Variants in MEIS2 observed in about 807,000 individuals in gnomAD.
MEIS2 encodes the protein Meis homeobox 2.
A neutral mutation model predicts 58.6 loss-of-function variants in MEIS2; 9 were observed. The observed-to-expected ratio is 0.15, with a 90% CI of 0.09 to 0.27. MEIS2 has a LOEUF of 0.27. MEIS2 is among the 10% of genes least tolerant of loss of function. The pLI is 1.00. For synonymous variants in MEIS2, 221 were observed against 228.4 expected, an observed-to-expected ratio of 0.97 and a Z score of 0.29; for missense variants, 427 against 635.0, an observed-to-expected ratio of 0.67 and a Z score of 3.52.
At chr15:36,959,709 T>A (rs917902502) in intron 8 of MEIS2, among the ~76,000 whole-genome samples, 11 of 152,142 alleles carry the variant, frequency 7.2e-5, no homozygotes, top group Admixed American at 2.0e-4. Flanking sequence ...TTTATACATG[T>A]AAAGAACTGG....
Position 36,892,451 on chromosome 15 carries a change from T to C in MEIS2, c.1156A>G (p.Ser386Gly), listed in dbSNP as rs767985608. ...TGAGAAACGTAGTCCCCTGGCATGC[T>C]CTGCAAACCTGAAAATAGAGAGGGA... ...HMGIRPAGLQ[S>G]MPGDYVSQGG... is the part of the protein sequence containing the mutation. Residue 386 changes from serine (S) to glycine (G), a missense_variant, in exon 12 of 12, where the codon AGC becomes GGC. Physicochemically the swap from Ser to Gly is moderately conservative, Grantham distance 56. Coordinates refer to ENST00000561208, the MANE Select transcript of MEIS2 (RefSeq NM_170675.5). 3 of 1,612,102 alleles carry C rather than the reference T, an allele frequency of 1.9e-6. No homozygotes were observed. Among genetic ancestry groups the C allele is most frequent in the South Asian group, 2.2e-5 (2 of 90,950 alleles).
chr15:36,979,995 T>G (rs8038592), intron 8 of MEIS2, among the ~76,000 whole-genome samples: 2,108 of 151,478 alleles, frequency 0.014, 50 homozygotes, highest in African/African-American at 0.047. Flanking sequence ...CCATTTGTCA[T>G]TTTATACTCT....
At chr15:36,952,607 C>CTCTGTGTGTGTGTGTGTGTGTG (rs1490440825) in intron 8 of MEIS2, among the ~76,000 whole-genome samples, 3 of 139,994 alleles carry the variant, frequency 2.1e-5, no homozygotes, top group Non-Finnish European at 3.1e-5. Flanking sequence ...GTCTCTCTCT[C>CTCTGTGTGTGTGTGTGTGTGTG]TGTGTGTGTG....
chr15:36,899,980 CCAA>C (rs1302121006), intron 9 of MEIS2, among the ~76,000 whole-genome samples: 1 of 152,218 alleles, frequency 6.6e-6, no homozygotes, highest in African/African-American at 2.4e-5. Flanking sequence ...CAAGCTGCAC[CCAA>C]CTTTAATGAA....
chr15:36,938,304 T>C (rs781605719), intron 9 of MEIS2, among the ~76,000 whole-genome samples: 1 of 150,212 alleles, frequency 6.7e-6, no homozygotes. Context: ...TTCCTGTTAT[T>C]CTGACCTCTT....
chr15:36,936,959 T>A (rs2058198296), intron 9 of MEIS2, among the ~76,000 whole-genome samples: 1 of 152,218 alleles, frequency 6.6e-6, no homozygotes, highest in African/African-American at 2.4e-5. Flanking sequence ...ACAAGGAATA[T>A]GCTTATTTTT....
chr15:37,072,525 CA>C (rs1890844045), intron 7 of MEIS2, among the ~76,000 whole-genome samples: 1 of 152,138 alleles, frequency 6.6e-6, no homozygotes. Flanking sequence ...TTCTCTCATA[CA>C]AACAGCAATA....
At chr15:36,919,355 G>A (rs555897032) in intron 9 of MEIS2, among the ~76,000 whole-genome samples, 2 of 152,222 alleles carry the variant, frequency 1.3e-5, no homozygotes, top group South Asian at 2.1e-4. Context: ...AAGTTGGGTG[G>A]ATCACCTGAG....
At chr15:37,043,201 C>G (rs1207406110) in intron 7 of MEIS2, among the ~76,000 whole-genome samples, 1 of 152,036 alleles carries the variant, frequency 6.6e-6, no homozygotes, top group Non-Finnish European at 1.5e-5. Context: ...AGTTCTAGAC[C>G]AGGTTTAATA....
At chr15:36,911,022 G>A (rs1014014246) in intron 9 of MEIS2, among the ~76,000 whole-genome samples, 1 of 144,704 alleles carries the variant, frequency 6.9e-6, no homozygotes, top group Non-Finnish European at 1.5e-5. Context: ...TCCAGCCTGG[G>A]TGACAGAGCG....
At chr15:37,024,219 A>G (rs1243674988) in intron 8 of MEIS2, among the ~76,000 whole-genome samples, 1 of 151,856 alleles carries the variant, frequency 6.6e-6, no homozygotes, top group Non-Finnish European at 1.5e-5. Context: ...TTTCTACAGA[A>G]TCCACTTCCT....
chr15:37,052,897 A>G (rs1009062802), intron 7 of MEIS2, among the ~76,000 whole-genome samples: 5 of 152,188 alleles, frequency 3.3e-5, no homozygotes, highest in African/African-American at 1.2e-4. Flanking sequence ...CCTGATTGTC[A>G]TCCATCTTTT....
chr15:36,994,804 G>A (rs534428318), intron 8 of MEIS2, among the ~76,000 whole-genome samples: 1 of 152,226 alleles, frequency 6.6e-6, no homozygotes, highest in South Asian at 2.1e-4. Flanking sequence ...CTTTTAAAGT[G>A]CGTTTTTTCT....
intron 9 of MEIS2, among the ~76,000 whole-genome samples, chr15:36,936,898 T>C (rs2058195780): frequency 6.6e-6 from 1 of 152,224 alleles, no homozygotes; most frequent in African/African-American, 2.4e-5. Context: ...AAAGCATTTG[T>C]TTGAGATCCA....
chr15:37,098,252 G>A, intron 1 of MEIS2, 53 bp from the exon 2 acceptor site: 5 of 1,494,516 alleles, frequency 3.3e-6, no homozygotes, highest in Admixed American at 4.5e-5. Flanking sequence ...GAGAACAGAG[G>A]AGGGGGGTGG....
intron 7 of MEIS2, among the ~76,000 whole-genome samples, chr15:37,049,676 T>A (rs1252468396): frequency 6.6e-6 from 1 of 151,892 alleles, no homozygotes; most frequent in Non-Finnish European, 1.5e-5. Context: ...TTAGTACAGA[T>A]GGGGCTTCAT....
At chr15:36,928,607 T>A (rs538887616) in intron 9 of MEIS2, among the ~76,000 whole-genome samples, 1 of 152,338 alleles carries the variant, frequency 6.6e-6, no homozygotes, top group African/African-American at 2.4e-5. Context: ...TTCTTCTAAG[T>A]AATGTCAGAG....
chr15:37,095,678 AGAAT>A (rs1894139728), intron 3 of MEIS2, 64 bp from the exon 4 acceptor site: 3 of 1,612,402 alleles, frequency 1.9e-6, no homozygotes. Context: ...CTGAAATGTG[AGAAT>A]GGGTACGGTG....
intron 3 of MEIS2, chr15:37,095,819 T>C: frequency 3.0e-6 from 2 of 670,886 alleles, no homozygotes; most frequent in Non-Finnish European, 4.9e-6. Context: ...AAGGGGGACC[T>C]GGTACGACTA....
Sources: allele counts gnomAD v4.1 joint callset (sites outside exome capture counted in the v4.1 genomes callset), GRCh38; gene constraint gnomAD v4.1.1; transcripts MANE v1.5; gene names NCBI Gene and HGNC (gene_info 2026-07-23, HGNC 2026-07-21).